NHSL2: variants seen among roughly 807,000 people sequenced by gnomAD.
The protein encoded by NHSL2 is NHS-like protein 2.
In NHSL2, 27 loss-of-function variants were observed where a neutral mutation model predicts 53.4. That is an observed-to-expected ratio of 0.51 (90% confidence interval 0.37 to 0.70). NHSL2 has a LOEUF of 0.70. NHSL2 is among the 30% of genes least tolerant of loss of function. The pLI is 0.00. For synonymous variants in NHSL2, 408 were observed against 404.1 expected, an observed-to-expected ratio of 1.01 and a Z score of -0.12; for missense variants, 892 against 980.1, an observed-to-expected ratio of 0.91 and a Z score of 1.20.
At chrX:72,072,985 T>C (rs1032556007) in intron 1 of NHSL2, among the ~76,000 whole-genome samples, 2 of 112,084 alleles carry the variant, frequency 1.8e-5, no homozygotes, top group Non-Finnish European at 3.8e-5. Flanking sequence ...CTCTGTCCTT[T>C]GGCTATAAAA....
At chrX:72,080,448 C>T (rs1187544507) in intron 1 of NHSL2, among the ~76,000 whole-genome samples, 5 of 111,223 alleles carry the variant, frequency 4.5e-5, no homozygotes, top group Admixed American at 2.9e-4. Flanking sequence ...GCCACTTAAC[C>T]GAGATCCTCT....
rs1469993641 is a variant in NHSL2 at position 72,045,903 on chromosome X, T to C, written c.281-86176T>C. 4.5e-5 allele frequency among the ~76,000 whole-genome samples: 5 copies of C among 112,159 alleles called. No homozygotes were observed. In the East Asian group the frequency reaches 1.4e-3, roughly 31 times the overall value. Reference sequence around the variant, plus strand: ...CATTTTTCTGATATGACTGAGAACTTCCCAGTGCCAAGGGCCCAAATGGGA... The same window carrying C: ...CATTTTTCTGATATGACTGAGAACTCCCCAGTGCCAAGGGCCCAAATGGGA... On this transcript the variant is annotated intron_variant, in intron 1 of 7. Transcript: ENST00000633930.
At position 72,139,841 on chromosome X, in the gene NHSL2, C is replaced by G; in HGVS notation, c.2293C>G (p.Pro765Ala). 2.5e-6 allele frequency: 3 copies of G among 1,210,685 alleles called. No homozygotes were observed. Among genetic ancestry groups the G allele is most frequent in the Non-Finnish European group, 3.4e-6 (3 of 894,539 alleles). The change falls in exon 6 of 8, where the codon CCC becomes GCC. Residue 765 changes from proline to alanine, a missense_variant. Transcript: ENST00000633930. ...CCCGACGTCACCAATGGAGAAATTT[C>G]CCAAGTCACGGCTATCATTTGACCT... ...LPPTSPMEKF[P>A]KSRLSFDLPL...
At chrX:72,055,695 G>A (rs1373153628) in intron 1 of NHSL2, among the ~76,000 whole-genome samples, 1 of 111,952 alleles carries the variant, frequency 8.9e-6, no homozygotes, top group East Asian at 2.8e-4. Context: ...CTTGATAAAT[G>A]TGGGTCCCAA....
At chrX:72,061,736 GC>G (rs753876257) in intron 1 of NHSL2, among the ~76,000 whole-genome samples, 94 of 112,365 alleles carry the variant, frequency 8.4e-4, no homozygotes, top group Non-Finnish European at 1.4e-3. Context: ...CCCTAGACAT[GC>G]TGGCTTCCTT....
At chrX:71,963,978 T>TATAC (rs2041882431) in intron 1 of NHSL2, among the ~76,000 whole-genome samples, 1 of 42,129 alleles carries the variant, frequency 2.4e-5, no homozygotes, top group Non-Finnish European at 3.9e-5. Context: ...TATATACATA[T>TATAC]ATATATATAT....
chrX:72,071,018 C>A (rs1035238853), intron 1 of NHSL2, among the ~76,000 whole-genome samples: 2 of 111,780 alleles, frequency 1.8e-5, no homozygotes, highest in Non-Finnish European at 3.8e-5. Context: ...TGTCCAAGGC[C>A]AGCCAGTCCC....
In NHSL2 at chrX:72,143,416, G is replaced by A. The variant is rs2042435500; in HGVS notation, c.3520G>A (p.Asp1174Asn). Residue 1174 changes from aspartate (D) to asparagine (N), a missense_variant, in exon 8 of 8, where the codon GAC becomes AAC. By Grantham distance (23) the Asp-to-Asn change is conservative. Coordinates refer to ENST00000633930, the MANE Select transcript of NHSL2 (RefSeq NM_001013627.3). ...TGCCAACCTAGATGCTGGCAGAAAT[G>A]ACGATTTCAAGGCCTTGCTACAGAA... is the stretch of plus-strand genomic sequence containing the variant. The part of the protein sequence containing the change: ...SSANLDAGRN[D>N]DFKALLQKKG... 1 of 1,165,848 alleles carries A rather than the reference G, an allele frequency of 8.6e-7. No individual in the cohort carries two copies. The highest frequency in any genetic ancestry group is 2.6e-5 in the Admixed American group (1 of 38,472).
At chrX:71,940,004 G>A (rs1345640802) in intron 1 of NHSL2, among the ~76,000 whole-genome samples, 1 of 111,825 alleles carries the variant, frequency 8.9e-6, no homozygotes, top group Non-Finnish European at 1.9e-5. Context: ...TGGTAATTGA[G>A]ACCTTGGAAG....
At chrX:71,994,238 C>A (rs991134166) in intron 1 of NHSL2, among the ~76,000 whole-genome samples, 8 of 109,522 alleles carry the variant, frequency 7.3e-5, no homozygotes, top group African/African-American at 2.7e-4. Context: ...AAGCAACCAG[C>A]CTGATTGGAG....
intron 1 of NHSL2, among the ~76,000 whole-genome samples, chrX:72,095,526 T>C: frequency 8.9e-6 from 1 of 112,256 alleles, no homozygotes; most frequent in Non-Finnish European, 1.9e-5. Context: ...GTAGTTAGAG[T>C]AGTCATCCAG....
intron 1 of NHSL2, among the ~76,000 whole-genome samples, chrX:71,979,364 T>G (rs1342825070): frequency 9.0e-6 from 1 of 111,571 alleles, no homozygotes; most frequent in East Asian, 2.8e-4. Context: ...TGAACTAGTT[T>G]ACAGTCCCAC....
chrX:71,933,019 A>G (rs1427194550), intron 1 of NHSL2, among the ~76,000 whole-genome samples: 3 of 112,243 alleles, frequency 2.7e-5, no homozygotes, highest in African/African-American at 9.7e-5. Context: ...GAAGATCACT[A>G]CTAGGACTTC....
At chrX:72,132,640 C>T (rs1275563930) in intron 2 of NHSL2, among the ~76,000 whole-genome samples, 1 of 111,565 alleles carries the variant, frequency 9.0e-6, no homozygotes, top group Non-Finnish European at 1.9e-5. Context: ...CAGGATCTCC[C>T]ACTCTGGGCT....
At position 72,002,179 on chromosome X, in the gene NHSL2, T is replaced by C. The variant is rs778928156; in HGVS notation, c.280+90812T>C. ...GTGGCAGCTTCCACTTTAGATGGAG[T>C]ATGTGCTCTCCAGCTAGACACAGTC... On this transcript the variant is annotated intron_variant, in intron 1 of 7. Coordinates refer to ENST00000633930, the MANE Select transcript of NHSL2 (RefSeq NM_001013627.3). Among the ~76,000 whole-genome samples the C allele has an allele frequency of 4.5e-5, 5 of 111,295 alleles. No individual in the cohort carries two copies. In the East Asian group the frequency reaches 1.4e-3, roughly 31 times the overall value.
intron 1 of NHSL2, among the ~76,000 whole-genome samples, chrX:72,034,347 A>AT (rs1251916076): frequency 8.9e-6 from 1 of 112,032 alleles, no homozygotes; most frequent in African/African-American, 3.2e-5. Flanking sequence ...TTTTTAAAAC[A>AT]TTTTTGTGCC....
intron 1 of NHSL2, among the ~76,000 whole-genome samples, chrX:72,087,210 A>G (rs773750666): frequency 1.4e-4 from 16 of 112,998 alleles, no homozygotes; most frequent in Non-Finnish European, 2.4e-4. Context: ...ATGCTACAAT[A>G]TAGTTTAGTC....
chrX:72,064,738 C>T (rs1405550197), intron 1 of NHSL2, among the ~76,000 whole-genome samples: 1 of 112,574 alleles, frequency 8.9e-6, no homozygotes, highest in East Asian at 2.8e-4. Flanking sequence ...TCTCTGTCTC[C>T]TCCCCTGGTG....
At position 71,910,917 on chromosome X, in the gene NHSL2, C is replaced by T; in HGVS notation, c.-171C>T. On this transcript the variant is annotated 5_prime_UTR_variant, in exon 1 of 8. Coordinates refer to ENST00000633930, the MANE Select transcript of NHSL2 (RefSeq NM_001013627.3). ...GCTCTAGGCGAGGAACCCGTCAGCC[C>T]GCCTACCCGCCCGTCGTCTTTGGCG... The T allele has an allele frequency of 3.5e-6, 1 of 287,525 alleles. No individual in the cohort carries two copies. Among genetic ancestry groups the T allele is most frequent in the Non-Finnish European group, 5.7e-6 (1 of 175,731 alleles). The allele number at this position is 287,525 out of a possible 1,213,427, so 23.7% of individuals were successfully genotyped here.
Sources: gnomAD v4.1 joint callset for allele counts (sites outside exome capture counted in the v4.1 genomes callset) on GRCh38, gnomAD v4.1.1 for gene constraint, MANE v1.5 for transcripts, NCBI Gene and HGNC (gene_info 2026-07-23, HGNC 2026-07-21) for gene names.